CFAP58: variants seen among roughly 807,000 people sequenced by gnomAD.
CFAP58 encodes cilia- and flagella-associated protein 58.
In CFAP58, 88 loss-of-function variants were observed where a neutral mutation model predicts 119.5. That is an observed-to-expected ratio of 0.74 (90% confidence interval 0.62 to 0.88). The LOEUF (loss-of-function observed/expected upper bound fraction) is 0.88, where lower values mean the gene tolerates loss of function less well. Among genes scored for constraint, CFAP58 ranks in the 40% least tolerant of loss-of-function variants. CFAP58 has a pLI of 0.00. For synonymous variants in CFAP58, 365 were observed against 366.3 expected, an observed-to-expected ratio of 1.00 and a Z score of 0.04; for missense variants, 990 against 1,021.2, an observed-to-expected ratio of 0.97 and a Z score of 0.42.
chr10:104,401,617 C>T (rs1196874574), intron 13 of CFAP58, among the ~76,000 whole-genome samples: 4 of 152,166 alleles, frequency 2.6e-5, no homozygotes, highest in Non-Finnish European at 4.4e-5. Context: ...GAACAGTATC[C>T]TTGACCATCT....
chr10:104,392,397 A>G lies in CFAP58; in HGVS notation c.1527+3A>G. On this transcript the variant is annotated splice_donor_region_variant and intron_variant, in intron 10 of 17. Transcript: ENST00000369704. ...GCAAAAATCTGGTTGAGGCTCAGGT[A>G]AATAATATATTTATATCCTTACATT... The G allele has an allele frequency of 6.4e-7, 1 of 1,564,718 alleles. No homozygotes were observed. The highest frequency in any genetic ancestry group is 1.9e-4 in the Middle Eastern group (1 of 5,286).
chr10:104,359,660 G>T (rs993686697), intron 2 of CFAP58, among the ~76,000 whole-genome samples: 1 of 152,160 alleles, frequency 6.6e-6, no homozygotes, highest in East Asian at 1.9e-4. Context: ...AGCTGGGCGT[G>T]GTGGCATATG....
At chr10:104,354,025 C>T in intron 1 of CFAP58, 119 bp downstream of exon 1, 1 of 1,277,846 alleles carries the variant, frequency 7.8e-7, no homozygotes, top group South Asian at 1.3e-5. Context: ...TCTTATTCCC[C>T]TGCACCCTCA....
intron 11 of CFAP58, among the ~76,000 whole-genome samples, chr10:104,398,979 C>G (rs1199699427): frequency 6.6e-6 from 1 of 152,106 alleles, no homozygotes; most frequent in Non-Finnish European, 1.5e-5. Context: ...ACAGAGGCCT[C>G]CCCTGTCCTC....
At chr10:104,437,388 G>A (rs2012952131) in intron 15 of CFAP58, among the ~76,000 whole-genome samples, 1 of 152,206 alleles carries the variant, frequency 6.6e-6, no homozygotes, top group Admixed American at 6.5e-5. Context: ...TGCCATTTAT[G>A]TGACTATTCC....
intron 11 of CFAP58, among the ~76,000 whole-genome samples, chr10:104,395,449 C>A (rs555787575): frequency 6.6e-6 from 1 of 152,318 alleles, no homozygotes; most frequent in East Asian, 1.9e-4. Context: ...GATGCCCTTT[C>A]TCCCTGCATT....
At chr10:104,419,182 G>A (rs2012602711) in intron 15 of CFAP58, among the ~76,000 whole-genome samples, 1 of 152,164 alleles carries the variant, frequency 6.6e-6, no homozygotes, top group Admixed American at 6.5e-5. Flanking sequence ...GCAATTGGAG[G>A]CAGGCTGTTC....
At chr10:104,340,030 G>C in the CFAP58 span, among the ~76,000 whole-genome samples, 1 of 152,196 alleles carries the variant, frequency 6.6e-6, no homozygotes, top group Non-Finnish European at 1.5e-5. Context: ...CGTCTGCAAA[G>C]TTGTTTCAGC....
chr10:104,418,059 A>G (rs940286029), intron 15 of CFAP58, among the ~76,000 whole-genome samples: 1 of 152,246 alleles, frequency 6.6e-6, no homozygotes, highest in Non-Finnish European at 1.5e-5. Context: ...ATTGTGATGA[A>G]GTTTGAATTT....
At chr10:104,436,663 C>A (rs1380724731) in intron 15 of CFAP58, among the ~76,000 whole-genome samples, 2 of 152,162 alleles carry the variant, frequency 1.3e-5, no homozygotes, top group Non-Finnish European at 1.5e-5. Flanking sequence ...CACCAGGACC[C>A]AAGCACCTCC....
At chr10:104,434,281 G>A (rs1254330780) in intron 15 of CFAP58, among the ~76,000 whole-genome samples, 3 of 152,184 alleles carry the variant, frequency 2.0e-5, no homozygotes, top group Non-Finnish European at 2.9e-5. Context: ...CCAGGGGATT[G>A]TTTATAATAT....
intron 11 of CFAP58, among the ~76,000 whole-genome samples, chr10:104,393,977 G>T (rs2012104031): frequency 1.3e-5 from 2 of 152,126 alleles, no homozygotes; most frequent in Non-Finnish European, 2.9e-5. Flanking sequence ...TTCTCACTTG[G>T]TTTACCCTTG....
At chr10:104,347,545 T>C in the CFAP58 span, among the ~76,000 whole-genome samples, 261 of 152,136 alleles carry the variant, frequency 1.7e-3, 3 homozygotes, top group African/African-American at 5.9e-3. Context: ...AGGAAAAATA[T>C]TAGATATGAT....
intron 15 of CFAP58, among the ~76,000 whole-genome samples, chr10:104,433,299 G>T (rs1304658070): frequency 1.3e-5 from 2 of 152,184 alleles, no homozygotes. Flanking sequence ...TGTTGTCCAG[G>T]CTGGTCTTGA....
chr10:104,385,822 C>T (rs542323037), intron 9 of CFAP58, among the ~76,000 whole-genome samples: 3 of 152,300 alleles, frequency 2.0e-5, no homozygotes, highest in African/African-American at 7.2e-5. Context: ...CAGGCAAAAT[C>T]AGTGACAGGA....
intron 15 of CFAP58, among the ~76,000 whole-genome samples, chr10:104,421,201 C>A (rs1279341024): frequency 3.9e-5 from 6 of 152,120 alleles, no homozygotes; most frequent in Admixed American, 6.6e-5. Flanking sequence ...GGAACCTCAG[C>A]ACTCATCATG....
At chr10:104,369,518 A>G (rs2014795535) in intron 6 of CFAP58, among the ~76,000 whole-genome samples, 1 of 152,214 alleles carries the variant, frequency 6.6e-6, no homozygotes, top group African/African-American at 2.4e-5. Context: ...AAACTTTTAA[A>G]ACAGCCCAGA....
chr10:104,354,863 C>A (rs2135238649), intron 1 of CFAP58, among the ~76,000 whole-genome samples: 1 of 152,304 alleles, frequency 6.6e-6, no homozygotes, highest in Admixed American at 6.5e-5. Flanking sequence ...GAAGCCAGCC[C>A]AAGCCCCATC....
At chr10:104,404,523 T>A (rs1165525082) in intron 14 of CFAP58, among the ~76,000 whole-genome samples, 1 of 152,202 alleles carries the variant, frequency 6.6e-6, no homozygotes, top group Non-Finnish European at 1.5e-5. Context: ...AAATGAATGA[T>A]CAGGGTATTG....
Sources: gnomAD v4.1 joint callset for allele counts (sites outside exome capture counted in the v4.1 genomes callset) on GRCh38, gnomAD v4.1.1 for gene constraint, MANE v1.5 for transcripts, NCBI Gene and HGNC (gene_info 2026-07-23, HGNC 2026-07-21) for gene names.